Variants in ACYP2 observed in about 807,000 individuals in gnomAD.
The protein encoded by ACYP2 is acylphosphatase 2, also known as acylphosphatase-2.
In ACYP2, 12 loss-of-function variants were observed where a neutral mutation model predicts 11.2. That is an observed-to-expected ratio of 1.08 (90% CI 0.69 to 1.74). ACYP2 has a LOEUF of 1.74. Among genes scored for constraint, ACYP2 ranks in the 40% most tolerant of loss-of-function variants. The probability of loss-of-function intolerance (pLI) is 0.00; values close to 1 mark genes in which losing one functional copy is unlikely to be tolerated. For missense variants in ACYP2, 134 were observed against 101.9 expected (o/e 1.31, Z -1.35); for synonymous variants, 43 against 32.2 (o/e 1.33, Z -1.13).
At chr2:54,165,347 T>C (rs1223538842) in intron 6 of ACYP2, among the ~76,000 whole-genome samples, 2 of 152,344 alleles carry the variant, frequency 1.3e-5, no homozygotes, top group South Asian at 2.1e-4. Context: ...TGAATACTGC[T>C]AGTCACAAAT....
At chr2:54,248,980 G>A (rs904112177) in intron 6 of ACYP2, among the ~76,000 whole-genome samples, 4 of 152,052 alleles carry the variant, frequency 2.6e-5, no homozygotes, top group Non-Finnish European at 4.4e-5. Context: ...GCACAGAATC[G>A]GGACTGTACA....
chr2:54,201,458 A>G (rs181476229), intron 6 of ACYP2, among the ~76,000 whole-genome samples: 3 of 152,050 alleles, frequency 2.0e-5, no homozygotes, highest in Admixed American at 6.5e-5. Flanking sequence ...TATTTTGAAT[A>G]CTAGAACCTT....
chr2:54,247,385 C>G (rs1313913055), intron 6 of ACYP2, among the ~76,000 whole-genome samples: 1 of 152,152 alleles, frequency 6.6e-6, no homozygotes, highest in African/African-American at 2.4e-5. Context: ...CATTGTCTTC[C>G]AAATGCTGTT....
At chr2:54,035,191 G>A (rs1674821220) in intron 2 of ACYP2, among the ~76,000 whole-genome samples, 1 of 151,418 alleles carries the variant, frequency 6.6e-6, no homozygotes, top group African/African-American at 2.4e-5. Flanking sequence ...GTGATTTCAT[G>A]AGCAAAGGTA....
intron 2 of ACYP2, among the ~76,000 whole-genome samples, chr2:53,974,710 A>T (rs1671381199): frequency 6.6e-6 from 1 of 152,232 alleles, no homozygotes; most frequent in African/African-American, 2.4e-5. Context: ...CAAAAGATCA[A>T]GATAATGTTT....
At chr2:54,065,391 C>T (rs1357203525) in intron 4 of ACYP2, 1 of 397,830 alleles carries the variant, frequency 2.5e-6, no homozygotes, top group Admixed American at 4.4e-5. Context: ...TTTCTATTCT[C>T]CTATGCTTTT....
rs922758767 is a variant in ACYP2 at position 54,304,879 on chromosome 2, G to A, written c.*77G>A. On this transcript the variant is annotated 3_prime_UTR_variant, in exon 7 of 7. Coordinates refer to ENST00000607452, the MANE Select transcript of ACYP2 (RefSeq NM_001320586.2). Reference sequence around the variant, plus strand: ...GACTATGTATACTAGAATAATAGTAGCAGAGTAGGGTGAAAAGGAACTTTC... The same window carrying A: ...GACTATGTATACTAGAATAATAGTAACAGAGTAGGGTGAAAAGGAACTTTC... 3 of 738,454 alleles carry A rather than the reference G, an allele frequency of 4.1e-6. No individual in the cohort carries two copies. In the African/African-American group the frequency reaches 5.3e-5, roughly 13 times the overall value. 45.7% of individuals were successfully genotyped at this position (738,454 alleles called of 1,614,324 possible). A position where few individuals can be genotyped will look rare whatever the true frequency, so the allele number is the denominator to read the frequency against.
Position 54,070,526 on chromosome 2 carries a change from C to A in ACYP2, c.277+13166C>A, listed in dbSNP as rs538860828. On this transcript the variant is annotated intron_variant, in intron 4 of 6. Transcript: ENST00000607452. ...TGCTTCTATAGGTGAGATTTTTCCCCACTTACTTAGCTCTTTTATGAATCC... is the reference window on the plus strand; with the variant it reads ...TGCTTCTATAGGTGAGATTTTTCCCAACTTACTTAGCTCTTTTATGAATCC... Among the ~76,000 whole-genome samples, 21 of 152,180 alleles carry A rather than the reference C, an allele frequency of 1.4e-4. No homozygotes were observed. The South Asian group carries it at 4.3e-3, about 32-fold the overall frequency.
At chr2:54,238,029 G>C (rs757335476) in intron 6 of ACYP2, among the ~76,000 whole-genome samples, 3 of 151,968 alleles carry the variant, frequency 2.0e-5, no homozygotes, top group South Asian at 2.1e-4. Context: ...TGCTTCCTTA[G>C]CCTGGAACAC....
chr2:53,986,127 A>C (rs1036840044), intron 2 of ACYP2, among the ~76,000 whole-genome samples: 2 of 151,862 alleles, frequency 1.3e-5, no homozygotes, highest in African/African-American at 4.8e-5. Flanking sequence ...ACTCCATCTC[A>C]AAAATAATAA....
intron 6 of ACYP2, among the ~76,000 whole-genome samples, chr2:54,185,701 T>C (rs1270675219): frequency 1.3e-5 from 2 of 152,170 alleles, no homozygotes; most frequent in South Asian, 4.1e-4. Flanking sequence ...GCTGAGAACA[T>C]TGATAGTTAT....
intron 4 of ACYP2, among the ~76,000 whole-genome samples, chr2:54,096,588 C>T (rs1420886430): frequency 1.3e-5 from 2 of 152,128 alleles, no homozygotes; most frequent in Non-Finnish European, 2.9e-5. Flanking sequence ...CCCGGCACCT[C>T]GGGAGGCCGA....
chr2:54,144,937 T>C (rs1379165810), intron 6 of ACYP2, among the ~76,000 whole-genome samples: 1 of 152,162 alleles, frequency 6.6e-6, no homozygotes, highest in Non-Finnish European at 1.5e-5. Flanking sequence ...GTCTTCAACA[T>C]GAGTCCTAGT....
intron 2 of ACYP2, among the ~76,000 whole-genome samples, chr2:53,988,890 G>A (rs1672150256): frequency 6.6e-6 from 1 of 151,892 alleles, no homozygotes; most frequent in African/African-American, 2.4e-5. Flanking sequence ...GGGATTACAG[G>A]TGCGCGCTAC....
At chr2:54,166,162 T>C (rs75435652) in intron 6 of ACYP2, among the ~76,000 whole-genome samples, 1,911 of 152,260 alleles carry the variant, frequency 0.013, 39 homozygotes, top group African/African-American at 0.044. Context: ...GTGTGTGCGC[T>C]CCACTTGACC....
At chr2:54,179,943 G>A (rs551843728) in intron 6 of ACYP2, among the ~76,000 whole-genome samples, 2 of 152,144 alleles carry the variant, frequency 1.3e-5, no homozygotes, top group African/African-American at 4.8e-5. Flanking sequence ...CAGTCCCCAA[G>A]GTTCCCTCTT....
intron 6 of ACYP2, among the ~76,000 whole-genome samples, chr2:54,209,535 A>G (rs1429689200): frequency 6.6e-6 from 1 of 152,214 alleles, no homozygotes; most frequent in Non-Finnish European, 1.5e-5. Context: ...TTTGGACCAG[A>G]CTAGAATAAG....
chr2:54,156,611 G>A (rs1558575272), intron 6 of ACYP2, among the ~76,000 whole-genome samples: 1 of 152,154 alleles, frequency 6.6e-6, no homozygotes, highest in Non-Finnish European at 1.5e-5. Context: ...TTTTATGGCT[G>A]CATAGTATTC....
intron 6 of ACYP2, among the ~76,000 whole-genome samples, chr2:54,244,188 CTTATGTAT>C (rs904071716): frequency 6.6e-6 from 1 of 151,856 alleles, no homozygotes; most frequent in Non-Finnish European, 1.5e-5. Flanking sequence ...ACTGATTTAA[CTTATGTAT>C]TTATGTATTT....
Sources: allele counts gnomAD v4.1 joint callset (sites outside exome capture counted in the v4.1 genomes callset), GRCh38; gene constraint gnomAD v4.1.1; transcripts MANE v1.5; gene names NCBI Gene and HGNC (gene_info 2026-07-23, HGNC 2026-07-21).